Variants in ANKRD45 observed in about 807,000 individuals in gnomAD.
ANKRD45 encodes ankyrin repeat domain-containing protein 45.
In ANKRD45, 21 loss-of-function variants were observed where a neutral mutation model predicts 28.1. The observed-to-expected ratio is 0.75, with a 90% CI of 0.53 to 1.08. The LOEUF (loss-of-function observed/expected upper bound fraction) is 1.08. ANKRD45 is among the 50% of genes least tolerant of loss of function. The probability of loss-of-function intolerance (pLI) is 0.00; values close to 1 mark genes in which losing one functional copy is unlikely to be tolerated. For missense variants in ANKRD45, 261 were observed against 308.7 expected (o/e 0.85, Z 1.16); for synonymous variants, 86 against 103.9 (o/e 0.83, Z 1.05).
the ANKRD45 span, among the ~76,000 whole-genome samples, chr1:173,712,106 C>T: frequency 6.6e-6 from 1 of 152,246 alleles, no homozygotes; most frequent in East Asian, 1.9e-4. Flanking sequence ...AAGCAATTCA[C>T]AGAAGGGAAA....
intron 1 of ANKRD45, chr1:173,667,558 T>A (rs1419751423): frequency 1.3e-5 from 3 of 235,722 alleles, no homozygotes; most frequent in Non-Finnish European, 2.5e-5. Context: ...ACAAAAAAAT[T>A]AGTCGGGCAT....
At chr1:173,653,922 C>CTTTTTTTTT (rs1185149394) in intron 2 of ANKRD45, among the ~76,000 whole-genome samples, 2 of 100,324 alleles carry the variant, frequency 2.0e-5, no homozygotes, top group Non-Finnish European at 4.1e-5. Flanking sequence ...GCAACCCTTG[C>CTTTTTTTTT]TTTTTTTTTT....
chr1:173,701,998 A>C, the ANKRD45 span, among the ~76,000 whole-genome samples: 1 of 152,214 alleles, frequency 6.6e-6, no homozygotes, highest in African/African-American at 2.4e-5. Flanking sequence ...ATTCAAAAGA[A>C]ACATAAAAGG....
At chr1:173,671,092 G>T (rs955688656), upstream of ANKRD45, among the ~76,000 whole-genome samples, 2 of 152,042 alleles carry the variant, frequency 1.3e-5, no homozygotes, top group East Asian at 3.9e-4. Context: ...CCCTTATAAG[G>T]TTACATCTTG....
At position 173,646,855 on chromosome 1, in the gene ANKRD45, C is replaced by A; in HGVS notation, c.487G>T (p.Asp163Tyr). 1.2e-6 allele frequency: 2 copies of A among 1,614,026 alleles called. No individual in the cohort carries two copies. The highest frequency in any genetic ancestry group is 1.7e-6 in the Non-Finnish European group (2 of 1,179,916). The change falls in exon 3 of 6, where the codon GAC becomes TAC. Residue 163 changes from aspartate to tyrosine, a missense_variant. Coordinates refer to ENST00000333279, the MANE Select transcript of ANKRD45 (RefSeq NM_198493.3). ...YSQTECVEFL[D>Y]WADARLTLKK... The stretch of plus-strand genomic sequence containing the variant: ...TTGTGAGCTTCCTTACCTGCCCAGT[C>A]CAGGAATTCAACACACTCAGTCTGA...
chr1:173,622,779 A>G lies in ANKRD45; in HGVS notation c.730+2008T>C, dbSNP rs187808852. ...TTTCATGAGTAAAACACCAAAAGCA[A>G]TTGCAACAAAAGGAAAAATTGACAA... On this transcript the variant is annotated intron_variant, in intron 5 of 5. Transcript: ENST00000333279. Among the ~76,000 whole-genome samples, 650 of 152,298 alleles carry G rather than the reference A, an allele frequency of 4.3e-3. 8 individuals are homozygous for G. Among genetic ancestry groups the G allele is most frequent in the African/African-American group, 0.015 (617 of 41,568 alleles).
At chr1:173,672,155 T>C (rs1670280465), upstream of ANKRD45, among the ~76,000 whole-genome samples, 1 of 152,204 alleles carries the variant, frequency 6.6e-6, no homozygotes, top group Non-Finnish European at 1.5e-5. Flanking sequence ...ACTTTTGAAA[T>C]ACAAGAATAA....
At chr1:173,680,786 C>T in the ANKRD45 span, among the ~76,000 whole-genome samples, 1 of 151,676 alleles carries the variant, frequency 6.6e-6, no homozygotes, top group Non-Finnish European at 1.5e-5. Flanking sequence ...ACTATGCAGC[C>T]ATAAAAAAAG....
the ANKRD45 span, among the ~76,000 whole-genome samples, chr1:173,679,816 C>T: frequency 6.6e-6 from 1 of 152,174 alleles, no homozygotes; most frequent in Admixed American, 6.5e-5. Context: ...GGCTGATATC[C>T]AGAACCTACA....
intron 3 of ANKRD45, among the ~76,000 whole-genome samples, chr1:173,644,357 T>G (rs1668831307): frequency 6.6e-6 from 1 of 152,206 alleles, no homozygotes; most frequent in Admixed American, 6.5e-5. Context: ...ATAGTAAGGC[T>G]GAATTAAATA....
chr1:173,615,789 AATGTCCATCAATTG>A (rs1224094371), intron 5 of ANKRD45, among the ~76,000 whole-genome samples: 1 of 152,142 alleles, frequency 6.6e-6, no homozygotes, highest in Non-Finnish European at 1.5e-5. Flanking sequence ...TGGAAACCCA[AATGTCCATCAATTG>A]ATAAATAGAT....
chr1:173,614,374 A>G (rs1667368219), intron 5 of ANKRD45, among the ~76,000 whole-genome samples: 1 of 152,216 alleles, frequency 6.6e-6, no homozygotes, highest in Admixed American at 6.5e-5. Context: ...CTATTTTCCT[A>G]AATTTTGTAT....
chr1:173,685,352 C>T, the ANKRD45 span, among the ~76,000 whole-genome samples: 11 of 152,320 alleles, frequency 7.2e-5, no homozygotes, highest in African/African-American at 2.6e-4. Context: ...GGCTGACCCA[C>T]AGGGTGCCGG....
chr1:173,636,137 A>G (rs929243877), intron 3 of ANKRD45, among the ~76,000 whole-genome samples: 1 of 152,178 alleles, frequency 6.6e-6, no homozygotes, highest in Non-Finnish European at 1.5e-5. Context: ...AAATCAAGTT[A>G]TCTGTCTGGG....
At chr1:173,699,882 T>G in the ANKRD45 span, among the ~76,000 whole-genome samples, 1 of 152,114 alleles carries the variant, frequency 6.6e-6, no homozygotes, top group Non-Finnish European at 1.5e-5. Context: ...AGTCAAATTG[T>G]CCCTGTTTGC....
chr1:173,705,080 C>T, the ANKRD45 span, among the ~76,000 whole-genome samples: 1 of 152,112 alleles, frequency 6.6e-6, no homozygotes, highest in African/African-American at 2.4e-5. Context: ...CACTCTTTTT[C>T]AGTCAAAGTG....
chr1:173,631,301 G>A lies in ANKRD45; in HGVS notation c.497-4142C>T, dbSNP rs182647062. Among the ~76,000 whole-genome samples, 5 of 152,110 alleles carry A rather than the reference G, an allele frequency of 3.3e-5. No individual in the cohort carries two copies. The East Asian group carries it at 7.7e-4, about 23-fold the overall frequency. On this transcript the variant is annotated intron_variant, in intron 3 of 5. Coordinates refer to ENST00000333279, the MANE Select transcript of ANKRD45 (RefSeq NM_198493.3). ...AGCTGGGAATATACATGCACCCAAC[G>A]CTGGAGCACCCAGATATTTAAAGCA...
intron 1 of ANKRD45, among the ~76,000 whole-genome samples, chr1:173,660,740 A>G (rs1669738639): frequency 6.6e-6 from 1 of 152,186 alleles, no homozygotes; most frequent in South Asian, 2.1e-4. Context: ...CTCTTAATCC[A>G]ATTCCATAAG....
At chr1:173,617,045 A>G (rs1471481327) in intron 5 of ANKRD45, among the ~76,000 whole-genome samples, 1 of 152,122 alleles carries the variant, frequency 6.6e-6, no homozygotes, top group Non-Finnish European at 1.5e-5. Context: ...CTTCTCACAC[A>G]GATCTTTGCA....
Sources: gnomAD v4.1 joint callset for allele counts (sites outside exome capture counted in the v4.1 genomes callset) on GRCh38, gnomAD v4.1.1 for gene constraint, MANE v1.5 for transcripts, NCBI Gene and HGNC (gene_info 2026-07-23, HGNC 2026-07-21) for gene names.